Variants in FNIP2 observed in about 807,000 individuals in gnomAD.
FNIP2 encodes the protein folliculin interacting protein 2, also known as folliculin-interacting protein 2.
FNIP2 carries 32 observed loss-of-function variants against 108.7 expected under a neutral mutation model. The observed-to-expected ratio is 0.29, with a 90% CI of 0.22 to 0.40. The LOEUF is 0.40. FNIP2 is among the 10% of genes least tolerant of loss of function. The probability of loss-of-function intolerance (pLI) is 1.00; values close to 1 mark genes in which losing one functional copy is unlikely to be tolerated. For missense variants in FNIP2, 1,202 were observed against 1,381.6 expected, an observed-to-expected ratio of 0.87 and a Z score of 2.06; for synonymous variants, 480 against 496.7, an observed-to-expected ratio of 0.97 and a Z score of 0.45.
chr4:158,827,546 C>T (rs1019535433), intron 2 of FNIP2, among the ~76,000 whole-genome samples: 10 of 152,210 alleles, frequency 6.6e-5, no homozygotes, highest in African/African-American at 2.4e-4. Context: ...CTATTCACTA[C>T]ACCAGGTGGT....
At chr4:158,860,418 C>CTT (rs147113816) in intron 10 of FNIP2, among the ~76,000 whole-genome samples, 4 of 151,806 alleles carry the variant, frequency 2.6e-5, no homozygotes, top group African/African-American at 4.8e-5. Context: ...AATCGCAAGC[C>CTT]TTTTTTTTAC....
chr4:158,861,894 A>T (rs1299929361), intron 12 of FNIP2, 118 bp downstream of exon 12: 1 of 1,220,002 alleles, frequency 8.2e-7, no homozygotes, highest in Non-Finnish European at 1.2e-6. Flanking sequence ...CTTTGGGCAG[A>T]TGAGGAATAG....
At chr4:158,782,681 G>T (rs1035602573) in intron 1 of FNIP2, among the ~76,000 whole-genome samples, 10 of 152,224 alleles carry the variant, frequency 6.6e-5, no homozygotes, top group Non-Finnish European at 1.0e-4. Context: ...TACTAATTCA[G>T]TTCTCACGAT....
At chr4:158,789,677 C>T (rs114716054) in intron 1 of FNIP2, among the ~76,000 whole-genome samples, 357 of 152,308 alleles carry the variant, frequency 2.3e-3, no homozygotes, top group African/African-American at 7.8e-3. Flanking sequence ...TGGAGGTTTG[C>T]TCCCTATTCT....
At chr4:158,783,691 C>A (rs1303986250) in intron 1 of FNIP2, among the ~76,000 whole-genome samples, 1 of 152,074 alleles carries the variant, frequency 6.6e-6, no homozygotes, top group Non-Finnish European at 1.5e-5. Context: ...ATTAGTGTGG[C>A]CTTGTCAGGG....
chr4:158,858,844 T>C (rs987369402), intron 8 of FNIP2, among the ~76,000 whole-genome samples: 1 of 152,214 alleles, frequency 6.6e-6, no homozygotes, highest in African/African-American at 2.4e-5. Context: ...GTAGCTTTCA[T>C]TTGAGCTTCT....
At chr4:158,836,902 A>T (rs927156823) in intron 7 of FNIP2, among the ~76,000 whole-genome samples, 3 of 152,116 alleles carry the variant, frequency 2.0e-5, no homozygotes, top group African/African-American at 7.2e-5. Context: ...CTGAGAAGAT[A>T]AAGGGAAACT....
At chr4:158,811,592 C>T (rs982691382) in intron 1 of FNIP2, among the ~76,000 whole-genome samples, 1 of 151,980 alleles carries the variant, frequency 6.6e-6, no homozygotes, top group Non-Finnish European at 1.5e-5. Context: ...AATGGTGTTT[C>T]CTGAGCCTCA....
At chr4:158,806,539 G>A (rs991370575) in intron 1 of FNIP2, 10 of 675,904 alleles carry the variant, frequency 1.5e-5, no homozygotes, top group Non-Finnish European at 2.2e-5. Flanking sequence ...GTGCTTCTAA[G>A]TAGGAGAAAT....
chr4:158,827,647 A>AG, intron 2 of FNIP2, among the ~76,000 whole-genome samples: 1 of 152,126 alleles, frequency 6.6e-6, no homozygotes, highest in Non-Finnish European at 1.5e-5. Flanking sequence ...AGGCCCTCTG[A>AG]GGGGCTGTGT....
chr4:158,774,517 T>G (rs1439439447), intron 1 of FNIP2, among the ~76,000 whole-genome samples: 5 of 152,234 alleles, frequency 3.3e-5, no homozygotes, highest in African/African-American at 1.2e-4. Flanking sequence ...GAATCTTTCT[T>G]CTTCATCAAA....
At chr4:158,837,365 G>A (rs1778868220) in intron 7 of FNIP2, among the ~76,000 whole-genome samples, 1 of 152,190 alleles carries the variant, frequency 6.6e-6, no homozygotes, top group Non-Finnish European at 1.5e-5. Flanking sequence ...CACAGTTTCT[G>A]CACAGCTGTA....
intron 7 of FNIP2, among the ~76,000 whole-genome samples, chr4:158,845,845 T>C (rs1779373553): frequency 6.6e-6 from 1 of 152,218 alleles, no homozygotes; most frequent in Admixed American, 6.5e-5. Flanking sequence ...AAAATACTTT[T>C]GATGAGGAAA....
chr4:158,899,844 C>CT, intron 16 of FNIP2, among the ~76,000 whole-genome samples: 1 of 152,248 alleles, frequency 6.6e-6, no homozygotes, highest in African/African-American at 2.4e-5. Flanking sequence ...GTCTCTATCT[C>CT]GTTCAGTTCT....
intron 1 of FNIP2, among the ~76,000 whole-genome samples, chr4:158,823,918 G>T (rs1168916420): frequency 6.6e-6 from 1 of 152,120 alleles, no homozygotes; most frequent in East Asian, 1.9e-4. Flanking sequence ...AATAAACTTG[G>T]CTTATTATTA....
At chr4:158,815,483 C>A (rs1406336204) in intron 1 of FNIP2, among the ~76,000 whole-genome samples, 2 of 151,360 alleles carry the variant, frequency 1.3e-5, no homozygotes, top group Non-Finnish European at 2.9e-5. Flanking sequence ...CTCGGGTTCA[C>A]GCCGTTCTCC....
intron 2 of FNIP2, 53 bp from the exon 3 acceptor site, chr4:158,829,026 A>G: frequency 7.1e-7 from 1 of 1,416,602 alleles, no homozygotes; most frequent in Non-Finnish European, 9.4e-7. Flanking sequence ...AGAACTGTTG[A>G]CGAACCTGAT....
At chr4:158,791,429 A>G (rs545240489) in intron 1 of FNIP2, among the ~76,000 whole-genome samples, 17 of 151,788 alleles carry the variant, frequency 1.1e-4, no homozygotes, top group African/African-American at 3.9e-4. Flanking sequence ...GATTACAGGC[A>G]CCTGCCACCA....
intron 8 of FNIP2, among the ~76,000 whole-genome samples, chr4:158,858,112 T>C (rs145495241): frequency 1.1e-3 from 164 of 152,348 alleles, no homozygotes; most frequent in Middle Eastern, 3.4e-3. Context: ...TCTCATATTC[T>C]GCCCAGCATG....
Sources: gnomAD v4.1 joint callset for allele counts (sites outside exome capture counted in the v4.1 genomes callset) on GRCh38, gnomAD v4.1.1 for gene constraint, MANE v1.5 for transcripts, NCBI Gene and HGNC (gene_info 2026-07-23, HGNC 2026-07-21) for gene names.